PTPRK: variants seen among roughly 807,000 people sequenced by gnomAD.
PTPRK encodes the protein protein tyrosine phosphatase receptor type K.
Under a neutral mutation model 178.0 loss-of-function variants are expected in PTPRK, and 75 were observed. That is an observed-to-expected ratio of 0.42 (90% CI 0.35 to 0.51). The LOEUF is 0.51. Ranked by LOEUF, PTPRK falls within the 20% of genes least tolerant of loss-of-function variation. PTPRK has a pLI of 0.02. For synonymous variants in PTPRK, 637 were observed against 620.6 expected (o/e 1.03, Z -0.39); for missense variants, 1,441 against 1,797.8 (o/e 0.80, Z 3.59).
chr6:128,241,228 A>C, intron 4 of PTPRK: 1 of 533,350 alleles, frequency 1.9e-6, no homozygotes, highest in Non-Finnish European at 3.8e-6. Context: ...CTTACCTCTC[A>C]GGAAGAGATT....
intron 7 of PTPRK, among the ~76,000 whole-genome samples, chr6:128,176,112 A>G (rs1017017184): frequency 6.6e-6 from 1 of 151,910 alleles, no homozygotes; most frequent in Non-Finnish European, 1.5e-5. Context: ...GGTGGTATCT[A>G]AATTTTTAAA....
chr6:128,471,049 T>C (rs1850583127), intron 1 of PTPRK, among the ~76,000 whole-genome samples: 1 of 151,986 alleles, frequency 6.6e-6, no homozygotes, highest in Non-Finnish European at 1.5e-5. Flanking sequence ...GAATATATGA[T>C]AATGCCTTCA....
rs533819526 is a variant in PTPRK, at chr6:128,142,561, T to C, written c.1162+41871A>G. Among the ~76,000 whole-genome samples, 511 of 151,062 alleles carry C rather than the reference T, an allele frequency of 3.4e-3. 2 individuals carry two copies. Among genetic ancestry groups the C allele is most frequent in the African/African-American group, 0.012 (482 of 41,196 alleles). On this transcript the variant is annotated intron_variant, in intron 7 of 29. Transcript: ENST00000368226. ...ATAAAATATATACATAATATATATA[T>C]ACACACACACACGTGTGGTTTTCAC...
chr6:128,200,066 T>C (rs887429825), intron 6 of PTPRK, among the ~76,000 whole-genome samples: 24 of 152,188 alleles, frequency 1.6e-4, no homozygotes, highest in African/African-American at 5.3e-4. Context: ...TAACTACAAG[T>C]TCTTCAGAAT....
intron 3 of PTPRK, among the ~76,000 whole-genome samples, chr6:128,258,861 C>A (rs894036085): frequency 4.6e-5 from 7 of 152,250 alleles, no homozygotes; most frequent in Middle Eastern, 6.8e-3. Context: ...ATTCCACGAT[C>A]AGAAAGCTGA....
intron 1 of PTPRK, among the ~76,000 whole-genome samples, chr6:128,486,273 C>G (rs1852862669): frequency 6.6e-6 from 1 of 151,978 alleles, no homozygotes; most frequent in Non-Finnish European, 1.5e-5. Context: ...TAACATAGTT[C>G]CAGCAGAAGC....
chr6:128,044,270 A>C (rs1268432178), intron 13 of PTPRK, among the ~76,000 whole-genome samples: 2 of 152,054 alleles, frequency 1.3e-5, no homozygotes, highest in African/African-American at 4.8e-5. Flanking sequence ...ATTACATTTA[A>C]TCTATCAACA....
intron 1 of PTPRK, among the ~76,000 whole-genome samples, chr6:128,423,024 G>A (rs1843682269): frequency 6.6e-6 from 1 of 152,196 alleles, no homozygotes. Context: ...GAAACTATTT[G>A]TAATTTTAGT....
chr6:127,972,328 G>A (rs779683411), intron 29 of PTPRK, among the ~76,000 whole-genome samples: 17 of 152,224 alleles, frequency 1.1e-4, no homozygotes, highest in Non-Finnish European at 2.1e-4. Context: ...ATCCCACCAT[G>A]CACATACATA....
intron 2 of PTPRK, among the ~76,000 whole-genome samples, chr6:128,373,445 G>A (rs1422038650): frequency 6.6e-6 from 1 of 152,108 alleles, no homozygotes; most frequent in East Asian, 1.9e-4. Context: ...AATCACCTAT[G>A]GGACTTTAAA....
At chr6:128,357,402 G>A (rs1834104745) in intron 2 of PTPRK, among the ~76,000 whole-genome samples, 1 of 152,140 alleles carries the variant, frequency 6.6e-6, no homozygotes, top group Admixed American at 6.6e-5. Flanking sequence ...ATTACCAACT[G>A]CCTTTTACCA....
intron 13 of PTPRK, among the ~76,000 whole-genome samples, chr6:128,049,431 GCTTTA>G (rs1363485068): frequency 2.0e-5 from 3 of 151,950 alleles, no homozygotes; most frequent in Non-Finnish European, 2.9e-5. Context: ...ATGCCCGCTT[GCTTTA>G]CTTTAAGAAT....
intron 2 of PTPRK, among the ~76,000 whole-genome samples, chr6:128,350,089 C>T (rs1215446978): frequency 6.6e-6 from 1 of 152,052 alleles, no homozygotes; most frequent in Admixed American, 6.6e-5. Context: ...TGTCTATGGA[C>T]TGATACATGC....
chr6:128,064,680 G>A, intron 13 of PTPRK, 78 bp downstream of exon 13: 1 of 1,513,776 alleles, frequency 6.6e-7, no homozygotes. Flanking sequence ...ATTTAGCCCT[G>A]AAGCAGGGAA....
intron 2 of PTPRK, among the ~76,000 whole-genome samples, chr6:128,355,143 T>G (rs1466717766): frequency 2.6e-5 from 4 of 152,214 alleles, no homozygotes; most frequent in African/African-American, 9.6e-5. Flanking sequence ...CACCTAAACA[T>G]TCTTTAAATG....
At chr6:128,227,571 T>C (rs184603465) in intron 5 of PTPRK, among the ~76,000 whole-genome samples, 1 of 152,222 alleles carries the variant, frequency 6.6e-6, no homozygotes, top group Admixed American at 6.5e-5. Context: ...ATTTTAAAAC[T>C]TCAGGAAAAC....
chr6:128,001,330 T>C, intron 15 of PTPRK: 2 of 600,940 alleles, frequency 3.3e-6, no homozygotes, highest in Non-Finnish European at 5.5e-6. Context: ...TTTCAGAAAC[T>C]GCATTATAAA....
chr6:128,196,082 AG>A (rs1364744451), intron 6 of PTPRK, among the ~76,000 whole-genome samples: 3 of 152,142 alleles, frequency 2.0e-5, no homozygotes, highest in African/African-American at 7.2e-5. Flanking sequence ...TGGGAACCAG[AG>A]GACAGGTTAT....
At chr6:128,372,543 G>T (rs1836435847) in intron 2 of PTPRK, among the ~76,000 whole-genome samples, 1 of 152,154 alleles carries the variant, frequency 6.6e-6, no homozygotes, top group South Asian at 2.1e-4. Flanking sequence ...TCCTCAAAGA[G>T]AATTTCCAAA....
Sources: allele counts gnomAD v4.1 joint callset (sites outside exome capture counted in the v4.1 genomes callset), GRCh38; gene constraint gnomAD v4.1.1; transcripts MANE v1.5; gene names NCBI Gene and HGNC (gene_info 2026-07-23, HGNC 2026-07-21).